The following ASPRV1 variants were observed in gnomAD, a reference collection of about 807,000 sequenced individuals.
ASPRV1 encodes the protein aspartic peptidase retroviral like 1.
ASPRV1 carries 7 observed loss-of-function variants against 11.0 expected under a neutral mutation model. The ratio of observed to expected loss-of-function variants is 0.64; its 90% CI spans 0.36 to 1.20. The LOEUF (loss-of-function observed/expected upper bound fraction) is 1.20, where lower values mean the gene tolerates loss of function less well. ASPRV1 is among the 50% of genes most tolerant of loss of function. ASPRV1 has a pLI of 0.02. For missense variants in ASPRV1, 299 were observed against 320.0 expected (o/e 0.93, Z 0.50); for synonymous variants, 136 against 138.4 (o/e 0.98, Z 0.12).
the ASPRV1 span, among the ~76,000 whole-genome samples, chr2:70,064,641 A>T: frequency 4.1e-4 from 63 of 152,330 alleles, no homozygotes; most frequent in African/African-American, 1.5e-3. Context: ...CATGAGCTGG[A>T]GGATGGGAAG....
At chr2:70,047,080 G>A in the ASPRV1 span, among the ~76,000 whole-genome samples, 1 of 152,130 alleles carries the variant, frequency 6.6e-6, no homozygotes, top group Non-Finnish European at 1.5e-5. Context: ...AACTTTCCAG[G>A]TCAATATTCA....
At chr2:69,968,963 G>C in the ASPRV1 span, among the ~76,000 whole-genome samples, 2 of 152,220 alleles carry the variant, frequency 1.3e-5, no homozygotes, top group Non-Finnish European at 2.9e-5. Context: ...CACTCTCCGT[G>C]GGTTCCCTGC....
At chr2:69,961,841 G>C, upstream of ASPRV1, 1 of 817,188 alleles carries the variant, frequency 1.2e-6, no homozygotes, top group Non-Finnish European at 2.0e-6. Flanking sequence ...CTGTTGAAGG[G>C]GGACTACCCT....
the ASPRV1 span, among the ~76,000 whole-genome samples, chr2:70,043,357 G>T: frequency 6.6e-6 from 1 of 152,090 alleles, no homozygotes; most frequent in African/African-American, 2.4e-5. Context: ...GGTGGAAGTT[G>T]CAGTGAGCCA....
the ASPRV1 span, among the ~76,000 whole-genome samples, chr2:69,933,126 G>A: frequency 6.8e-6 from 1 of 147,496 alleles, no homozygotes; most frequent in African/African-American, 2.5e-5. Flanking sequence ...TTGAGCCTGG[G>A]AGGCAGAGGT....
chr2:69,948,072 A>T, the ASPRV1 span, among the ~76,000 whole-genome samples: 17 of 140,748 alleles, frequency 1.2e-4, no homozygotes, highest in Non-Finnish European at 4.5e-5. Flanking sequence ...ACAGAGGGAG[A>T]CCCCGTCTCT....
the ASPRV1 span, among the ~76,000 whole-genome samples, chr2:70,003,972 T>C: frequency 2.0e-5 from 3 of 152,054 alleles, no homozygotes; most frequent in Non-Finnish European, 4.4e-5. Context: ...TCTAGAACTG[T>C]AGGAAGTAAA....
chr2:70,005,978 G>T, the ASPRV1 span, among the ~76,000 whole-genome samples: 1 of 152,208 alleles, frequency 6.6e-6, no homozygotes, highest in East Asian at 1.9e-4. Flanking sequence ...GTTTCTCAAT[G>T]TTAGCACTAT....
chr2:69,954,276 T>C, the ASPRV1 span, among the ~76,000 whole-genome samples: 1 of 152,202 alleles, frequency 6.6e-6, no homozygotes, highest in Non-Finnish European at 1.5e-5. Flanking sequence ...GCTGGCTGTG[T>C]CTGAATACAG....
At chr2:69,983,178 C>T in the ASPRV1 span, among the ~76,000 whole-genome samples, 1 of 152,158 alleles carries the variant, frequency 6.6e-6, no homozygotes, top group South Asian at 2.1e-4. Flanking sequence ...CATGGCCTCC[C>T]AAAGTGCTGG....
At chr2:70,067,736 G>C in the ASPRV1 span, among the ~76,000 whole-genome samples, 2 of 152,096 alleles carry the variant, frequency 1.3e-5, no homozygotes, top group Admixed American at 6.6e-5. Context: ...AAACACACAG[G>C]AAGAAGTATG....
the ASPRV1 span, among the ~76,000 whole-genome samples, chr2:70,066,731 G>C: frequency 6.6e-6 from 1 of 152,092 alleles, no homozygotes; most frequent in South Asian, 2.1e-4. Context: ...CCAAGTATCT[G>C]GGACCACAGA....
At chr2:70,045,041 T>C in the ASPRV1 span, among the ~76,000 whole-genome samples, 6 of 152,328 alleles carry the variant, frequency 3.9e-5, no homozygotes, top group South Asian at 2.1e-4. Context: ...CTTTCCCACA[T>C]ATGTTGCTGC....
the ASPRV1 span, among the ~76,000 whole-genome samples, chr2:69,982,551 G>A: frequency 2.6e-5 from 4 of 152,188 alleles, no homozygotes; most frequent in Non-Finnish European, 4.4e-5. Context: ...AAGGGGAGGA[G>A]GCACAGGAGG....
chr2:69,934,283 G>A, the ASPRV1 span, among the ~76,000 whole-genome samples: 1 of 152,182 alleles, frequency 6.6e-6, no homozygotes, highest in African/African-American at 2.4e-5. Flanking sequence ...AGGCTTTAAG[G>A]AGGTGGTAAG....
chr2:69,971,744 C>T, the ASPRV1 span, among the ~76,000 whole-genome samples: 2 of 152,190 alleles, frequency 1.3e-5, no homozygotes. Flanking sequence ...GCCAAGCCAG[C>T]CCTGCCAATC....
chr2:70,018,453 C>T, the ASPRV1 span, among the ~76,000 whole-genome samples: 3,683 of 152,006 alleles, frequency 0.024, 143 homozygotes, highest in African/African-American at 0.083. Flanking sequence ...CCACAAAAGA[C>T]CCCAAATAGC....
At chr2:70,023,930 G>A in the ASPRV1 span, among the ~76,000 whole-genome samples, 2 of 151,682 alleles carry the variant, frequency 1.3e-5, no homozygotes, top group Non-Finnish European at 2.9e-5. Flanking sequence ...TCAAAGAAAA[G>A]ACAGACCACT....
At chr2:70,076,707 C>A in the ASPRV1 span, among the ~76,000 whole-genome samples, 1 of 152,198 alleles carries the variant, frequency 6.6e-6, no homozygotes, top group Non-Finnish European at 1.5e-5. Flanking sequence ...TTGGCAAAAT[C>A]ATCTAATACA....
Sources: allele counts gnomAD v4.1 joint callset (sites outside exome capture counted in the v4.1 genomes callset), GRCh38; gene constraint gnomAD v4.1.1; transcripts MANE v1.5; gene names NCBI Gene and HGNC (gene_info 2026-07-23, HGNC 2026-07-21).